The following LATS2 variants were observed in gnomAD, a reference collection of about 807,000 sequenced individuals.
The protein encoded by LATS2 is serine/threonine-protein kinase LATS2.
A neutral mutation model predicts 76.0 loss-of-function variants in LATS2; 24 were observed. The ratio of observed to expected loss-of-function variants is 0.32; its 90% CI spans 0.23 to 0.44. The LOEUF is 0.44. Among genes scored for constraint, LATS2 ranks in the 20% least tolerant of loss-of-function variants. The probability of loss-of-function intolerance (pLI) is 1.00; values close to 1 mark genes in which losing one functional copy is unlikely to be tolerated. For synonymous variants in LATS2, 692 were observed against 635.4 expected, an observed-to-expected ratio of 1.09 and a Z score of -1.34; for missense variants, 1,286 against 1,481.2, an observed-to-expected ratio of 0.87 and a Z score of 2.16.
At chr13:21,003,667 C>G (rs1871145209) in intron 2 of LATS2, among the ~76,000 whole-genome samples, 1 of 152,074 alleles carries the variant, frequency 6.6e-6, no homozygotes, top group Non-Finnish European at 1.5e-5. Flanking sequence ...GTCTTGATCT[C>G]CTGATCTCAA....
At chr13:21,027,647 C>T (rs1872358388) in intron 2 of LATS2, among the ~76,000 whole-genome samples, 2 of 152,152 alleles carry the variant, frequency 1.3e-5, no homozygotes, top group South Asian at 4.1e-4. Flanking sequence ...CCACAATAGT[C>T]TGGTCCAAAG....
intron 2 of LATS2, among the ~76,000 whole-genome samples, chr13:21,021,609 C>T (rs1414112381): frequency 6.6e-6 from 1 of 150,522 alleles, no homozygotes; most frequent in Non-Finnish European, 1.5e-5. Context: ...ATTGTTAAGA[C>T]GTTCAGGTTT....
rs1357280955 is a variant in LATS2, at chr13:20,974,154, T to G, written c.*716A>C. On this transcript the variant is annotated 3_prime_UTR_variant, in exon 8 of 8. Coordinates refer to ENST00000382592, the MANE Select transcript of LATS2 (RefSeq NM_014572.3). The stretch of plus-strand genomic sequence containing the variant: ...TTAAAGACACTCAGTAAAAACGTAT[T>G]CACAGGACCTGCTGTGAATGGCAAG... The G allele has an allele frequency of 4.4e-6, 1 of 228,194 alleles. No homozygotes were observed. Among genetic ancestry groups the G allele is most frequent in the Non-Finnish European group, 8.7e-6 (1 of 114,916 alleles). 14.1% of individuals were successfully genotyped at this position (228,194 alleles called of 1,614,324 possible).
chr13:21,015,584 T>C (rs1462412865), intron 2 of LATS2, among the ~76,000 whole-genome samples: 1 of 152,260 alleles, frequency 6.6e-6, no homozygotes, highest in African/African-American at 2.4e-5. Flanking sequence ...AAAAGTTTCC[T>C]AGGTAGTTGT....
intron 1 of LATS2, among the ~76,000 whole-genome samples, chr13:21,047,278 A>G (rs1873107268): frequency 1.3e-5 from 2 of 152,152 alleles, no homozygotes; most frequent in Admixed American, 6.5e-5. Context: ...ACTCCCTGCT[A>G]TGTAATAGAG....
intron 2 of LATS2, among the ~76,000 whole-genome samples, chr13:20,992,157 A>C (rs1217963293): frequency 1.3e-5 from 2 of 152,186 alleles, no homozygotes; most frequent in African/African-American, 4.8e-5. Context: ...GGGCAGGTGG[A>C]GAGCCCTGGG....
intron 1 of LATS2, among the ~76,000 whole-genome samples, chr13:21,057,384 T>C (rs1010885280): frequency 1.3e-5 from 2 of 152,240 alleles, no homozygotes; most frequent in African/African-American, 4.8e-5. Flanking sequence ...ATGATCTAGA[T>C]GATAACCAAC....
intron 2 of LATS2, among the ~76,000 whole-genome samples, chr13:21,026,572 T>C (rs1872318706): frequency 6.6e-6 from 1 of 152,240 alleles, no homozygotes; most frequent in Admixed American, 6.5e-5. Context: ...TAAATATTTG[T>C]GTACAAGTCT....
intron 4 of LATS2, among the ~76,000 whole-genome samples, chr13:20,986,885 AT>A (rs1382657998): frequency 3.3e-5 from 5 of 152,208 alleles, no homozygotes; most frequent in Non-Finnish European, 4.4e-5. Flanking sequence ...AAATCTACAA[AT>A]ACTATGTATA....
At chr13:21,025,861 C>T (rs749239408) in intron 2 of LATS2, among the ~76,000 whole-genome samples, 4 of 152,136 alleles carry the variant, frequency 2.6e-5, no homozygotes, top group African/African-American at 4.8e-5. Context: ...CGGCCCTGTA[C>T]GTCTGGGTTG....
intron 2 of LATS2, among the ~76,000 whole-genome samples, chr13:21,035,481 C>T (rs976322659): frequency 1.3e-5 from 2 of 152,134 alleles, no homozygotes; most frequent in Non-Finnish European, 2.9e-5. Flanking sequence ...AGACCCAGAA[C>T]TCGGAGCCCC....
intron 1 of LATS2, among the ~76,000 whole-genome samples, chr13:21,060,725 G>T (rs973970365): frequency 1.3e-5 from 2 of 151,430 alleles, no homozygotes; most frequent in African/African-American, 4.8e-5. Context: ...CCGTGGGTCC[G>T]TCGGCTCGCG....
chr13:20,989,323 G>T lies in LATS2; in HGVS notation c.476-19C>A. Reference sequence around the variant, plus strand: ...CCCTTTCCTGCAGTGGAAAAAACAGGAAGACAGCATCAGAGTGGGTGTGAT... The same window carrying T: ...CCCTTTCCTGCAGTGGAAAAAACAGTAAGACAGCATCAGAGTGGGTGTGAT... On this transcript the variant is annotated intron_variant, in intron 3 of 7. Transcript: ENST00000382592. 6.2e-7 allele frequency: 1 copy of T among 1,613,126 alleles called. No homozygotes were observed. Among genetic ancestry groups the T allele is most frequent in the Non-Finnish European group, 8.5e-7 (1 of 1,179,902 alleles).
chr13:21,034,725 C>T (rs935855443), intron 2 of LATS2, among the ~76,000 whole-genome samples: 1 of 140,342 alleles, frequency 7.1e-6, no homozygotes, highest in African/African-American at 2.7e-5. Flanking sequence ...CACCTGGGGC[C>T]GCTGCCGAGC....
At chr13:20,996,584 T>G (rs1271948327) in intron 2 of LATS2, among the ~76,000 whole-genome samples, 5 of 152,180 alleles carry the variant, frequency 3.3e-5, no homozygotes, top group African/African-American at 1.2e-4. Context: ...TTTTGCCATG[T>G]TGGCCAGGCT....
At chr13:21,048,968 GCAAATAAA>G (rs1478375725) in intron 1 of LATS2, among the ~76,000 whole-genome samples, 1 of 152,132 alleles carries the variant, frequency 6.6e-6, no homozygotes, top group Non-Finnish European at 1.5e-5. Context: ...GGTGAGGCAG[GCAAATAAA>G]CAACTTCAAA....
chr13:20,973,381 T>C lies in LATS2; in HGVS notation c.*1489A>G. Reference sequence around the variant, plus strand: ...GCTAAGAACTTCAAGGAAAAATATGTGGAATAATATAATGAAAATTATGAA... The same window carrying C: ...GCTAAGAACTTCAAGGAAAAATATGCGGAATAATATAATGAAAATTATGAA... On this transcript the variant is annotated 3_prime_UTR_variant, in exon 8 of 8. Coordinates refer to ENST00000382592, the MANE Select transcript of LATS2 (RefSeq NM_014572.3). 4.3e-6 allele frequency: 1 copy of C among 231,560 alleles called. No individual in the cohort carries two copies. The allele number at this position is 231,560 out of a possible 1,614,324, so 14.3% of individuals were successfully genotyped here.
At chr13:21,007,352 G>A (rs143161995) in intron 2 of LATS2, among the ~76,000 whole-genome samples, 33 of 150,016 alleles carry the variant, frequency 2.2e-4, no homozygotes, top group Middle Eastern at 3.4e-3. Flanking sequence ...GTCAGGACAT[G>A]CATCCTCCAT....
intron 2 of LATS2, among the ~76,000 whole-genome samples, chr13:21,044,410 T>C (rs993308326): frequency 6.6e-5 from 10 of 152,336 alleles, no homozygotes; most frequent in South Asian, 2.1e-4. Flanking sequence ...CTGATGTGCT[T>C]TGAGCATGAA....
Sources: allele counts gnomAD v4.1 joint callset (sites outside exome capture counted in the v4.1 genomes callset), GRCh38; gene constraint gnomAD v4.1.1; transcripts MANE v1.5; gene names NCBI Gene and HGNC (gene_info 2026-07-23, HGNC 2026-07-21).